ZNF512B: variants seen among roughly 807,000 people sequenced by gnomAD.
ZNF512B encodes the protein zinc finger protein 512B.
A neutral mutation model predicts 87.8 loss-of-function variants in ZNF512B; 22 were observed. The observed-to-expected ratio is 0.25, with a 90% CI of 0.18 to 0.36. The LOEUF (loss-of-function observed/expected upper bound fraction) is 0.36, where lower values mean the gene tolerates loss of function less well. Ranked by LOEUF, ZNF512B falls within the 10% of genes least tolerant of loss-of-function variation. The pLI, the probability that ZNF512B is intolerant of heterozygous loss-of-function variation, is 1.00. For missense variants in ZNF512B, 1,060 were observed against 1,231.6 expected (o/e 0.86, Z 2.09); for synonymous variants, 524 against 490.9 (o/e 1.07, Z -0.89).
intron 5 of ZNF512B, among the ~76,000 whole-genome samples, chr20:63,965,862 G>A (rs745629330): frequency 9.6e-5 from 3 of 31,136 alleles, no homozygotes; most frequent in Admixed American, 7.5e-4. Flanking sequence ...GACCTGGGAC[G>A]AGCCCCCATA....
chr20:63,968,692 G>GC (rs1243309666), intron 1 of ZNF512B, among the ~76,000 whole-genome samples: 4 of 152,134 alleles, frequency 2.6e-5, no homozygotes, highest in East Asian at 1.9e-4. Flanking sequence ...AGGCTGACCC[G>GC]CCCCCCACCT....
rs1436102024 is a variant in ZNF512B at position 63,959,951 on chromosome 20, T to C, written c.2616A>G (p.Arg872=). Residue 872 remains arginine, a synonymous_variant, in exon 17 of 17, where the codon AGA becomes AGG. Coordinates refer to ENST00000369888, the MANE Select transcript of ZNF512B (RefSeq NM_020713.3). The part of the protein sequence containing the change: ...PRRDDWPPGC[R]DKGARGSTGR... ...CGGTGGAGCCCCGGGCCCCCTTGTC[T>C]CTGCATCCTGGAGGCCAGTCGTCCC... is the stretch of plus-strand genomic sequence containing the variant. The C allele has an allele frequency of 6.2e-7, 1 of 1,610,774 alleles. No individual in the cohort carries two copies. Among genetic ancestry groups the C allele is most frequent in the African/African-American group, 1.3e-5 (1 of 74,836 alleles).
Position 63,959,836 on chromosome 20 carries a change from G to C in ZNF512B, c.*52C>G. On this transcript the variant is annotated 3_prime_UTR_variant, in exon 17 of 17. Coordinates refer to ENST00000369888, the MANE Select transcript of ZNF512B (RefSeq NM_020713.3). ...GAGGTCCCGGAGCTGGCCCTGCCTT[G>C]AACAGAGGGCGGTGTGGCGGCTGCA... 2 of 1,517,376 alleles carry C rather than the reference G, an allele frequency of 1.3e-6. No individual in the cohort carries two copies. Among genetic ancestry groups the C allele is most frequent in the Non-Finnish European group, 1.7e-6 (2 of 1,143,468 alleles). The allele number at this position is 1,517,376 out of a possible 1,614,324, so 94.0% of individuals were successfully genotyped here.
At position 63,962,577 on chromosome 20, in the gene ZNF512B, G is replaced by A. The variant is rs375648070; in HGVS notation, c.2163+10C>T. 15 of 1,601,394 alleles carry A rather than the reference G, an allele frequency of 9.4e-6. No homozygotes were observed. The highest frequency in any genetic ancestry group is 6.7e-5 in the Admixed American group (4 of 59,276). On this transcript the variant is annotated intron_variant, in intron 13 of 16. Transcript: ENST00000369888. ...CGGCGCTGTCCACAGCCCTGGGGGG[G>A]GCAGCTCACCCGTGCGGTCTCGGGC...
At chr20:63,967,154 C>T in intron 3 of ZNF512B, 150 bp from the exon 4 acceptor site, 10 of 1,343,980 alleles carry the variant, frequency 7.4e-6, no homozygotes, top group Non-Finnish European at 9.1e-6. Context: ...TTCAAGCCAC[C>T]TGGCAGGGGC....
At chr20:63,969,287 C>A in intron 1 of ZNF512B, 1 of 682,864 alleles carries the variant, frequency 1.5e-6, no homozygotes, top group Non-Finnish European at 1.8e-6. Flanking sequence ...CAGGGCCAGC[C>A]TGGGAGGCAG....
chr20:63,961,082 C>T lies in ZNF512B; in HGVS notation c.2427+227G>A, dbSNP rs529698098. Among the ~76,000 whole-genome samples, 6 of 152,326 alleles carry T rather than the reference C, an allele frequency of 3.9e-5. No individual in the cohort carries two copies. Among genetic ancestry groups the T allele is most frequent in the East Asian group, 1.9e-4 (1 of 5,192 alleles). On this transcript the variant is annotated intron_variant, in intron 16 of 16. Transcript: ENST00000369888. This position sits in a 1 kb window ranked among gnomAD's most constrained non-coding sequence, Gnocchi z 6.4. ...GCAGGGCTGCTGGGGGCTGGAAAGG[C>T]GGACACCCCGAGGGCAGCTCCAGCT... is the stretch of plus-strand genomic sequence containing the variant.
Position 63,961,215 on chromosome 20 carries a change from C to T in ZNF512B, c.2427+94G>A, listed in dbSNP as rs1208003114. The stretch of plus-strand genomic sequence containing the variant: ...TCTCCCAGGCACACCCCATGCAGGC[C>T]ACTGACCTCTCTACCCCCAAGGGGT... On this transcript the variant is annotated intron_variant, in intron 16 of 16. Transcript: ENST00000369888. This position sits in a 1 kb window ranked among gnomAD's most constrained non-coding sequence, Gnocchi z 6.4. 2 of 1,145,152 alleles carry T rather than the reference C, an allele frequency of 1.7e-6. No individual in the cohort carries two copies. The highest frequency in any genetic ancestry group is 1.9e-5 in the Admixed American group (1 of 53,244). 70.9% of individuals were successfully genotyped at this position (1,145,152 alleles called of 1,614,324 possible).
In ZNF512B at chr20:63,959,646, C is replaced by G; in HGVS notation, c.*242G>C. On this transcript the variant is annotated 3_prime_UTR_variant, in exon 17 of 17. Coordinates refer to ENST00000369888, the MANE Select transcript of ZNF512B (RefSeq NM_020713.3). The stretch of plus-strand genomic sequence containing the variant: ...CATTCCCATGAGGAGGGGCAACCCT[C>G]CTGGCTATTGCACTTCTGCTGGGCA... The G allele has an allele frequency of 3.7e-6, 2 of 543,644 alleles. No homozygotes were observed. The highest frequency in any genetic ancestry group is 6.3e-6 in the Non-Finnish European group (2 of 318,998). 33.7% of individuals were successfully genotyped at this position (543,644 alleles called of 1,614,324 possible). A position where few individuals can be genotyped will look rare whatever the true frequency, so the allele number is the denominator to read the frequency against.
chr20:63,958,344 G>C lies in ZNF512B; in HGVS notation c.*1544C>G, dbSNP rs1282727752. 6.6e-6 allele frequency: 1 copy of C among 152,472 alleles called. No homozygotes were observed. Among genetic ancestry groups the C allele is most frequent in the Non-Finnish European group, 1.5e-5 (1 of 68,084 alleles). The allele number at this position is 152,472 out of a possible 1,614,324, so 9.4% of individuals were successfully genotyped here. ...CCCCCAGGCCCACCGTCTGCACCAG[G>C]AAACCCTTAGCACCAAATGTCGGAT... On this transcript the variant is annotated 3_prime_UTR_variant, in exon 17 of 17. Transcript: ENST00000369888.
Position 63,967,863 on chromosome 20 carries a change from G to A in ZNF512B, c.88C>T (p.Arg30Ter), listed in dbSNP as rs1308338399. The A allele has an allele frequency of 3.1e-6, 5 of 1,613,404 alleles. No homozygotes were observed. Among genetic ancestry groups the A allele is most frequent in the Non-Finnish European group, 3.4e-6 (4 of 1,179,858 alleles). Reference sequence around the variant, plus strand: ...GGTGGGTCATGCAGCATTGGAAGTCGGACCTCCTTTCGGCTGCCATCCTTC... The same window carrying A: ...GGTGGGTCATGCAGCATTGGAAGTCAGACCTCCTTTCGGCTGCCATCCTTC... ...PGKDGSRKEV[R>*]LPMLHDPPKM... The change falls in exon 2 of 17, where the codon CGA (arginine) becomes TGA (stop). Residue 30 changes from arginine (R) to a stop codon, truncating the protein, a stop_gained. Transcript: ENST00000369888. LOFTEE classifies it high-confidence loss of function.
chr20:63,956,989 C>T lies in ZNF512B; in HGVS notation c.*2899G>A, dbSNP rs1237173372. 6.6e-6 allele frequency: 1 copy of T among 152,584 alleles called. No homozygotes were observed. The highest frequency in any genetic ancestry group is 1.5e-5 in the Non-Finnish European group (1 of 68,030). The allele number at this position is 152,584 out of a possible 1,614,324, so 9.5% of individuals were successfully genotyped here. ...GCATTAAAAAACCCAAACCAAGAAA[C>T]CCAAAGCACGGGACGCCCGGCCGCG... On this transcript the variant is annotated 3_prime_UTR_variant, in exon 17 of 17. Transcript: ENST00000369888.
Position 63,964,650 on chromosome 20 carries a change from G to A in ZNF512B, c.1101C>T (p.Tyr367=), listed in dbSNP as rs148640477. 459 of 1,612,538 alleles carry A rather than the reference G, an allele frequency of 2.8e-4. No individual in the cohort carries two copies. Among genetic ancestry groups the A allele is most frequent in the African/African-American group, 5.1e-4 (38 of 75,008 alleles). The change falls in exon 6 of 17, where the codon TAC becomes TAT. Residue 367 remains tyrosine (Y), a synonymous_variant. Coordinates refer to ENST00000369888, the MANE Select transcript of ZNF512B (RefSeq NM_020713.3). ...AGCTCTGGCCCATGGAGGAGGGGCCGTACTCCCCATTCTCTGGCCTGGCCT... is the reference window on the plus strand; with the variant it reads ...AGCTCTGGCCCATGGAGGAGGGGCCATACTCCCCATTCTCTGGCCTGGCCT... ...PKQARPENGE[Y]GPSSMGQSSA...
chr20:63,967,752 C>T (rs2058942771), intron 2 of ZNF512B, 78 bp downstream of exon 2: 13 of 1,560,564 alleles, frequency 8.3e-6, no homozygotes, highest in Middle Eastern at 1.7e-4. Context: ...GGAGACAGGA[C>T]GCCCAGGGCA....
intron 1 of ZNF512B, chr20:63,969,171 C>T (rs866130345): frequency 1.0e-6 from 1 of 985,474 alleles, no homozygotes; most frequent in Non-Finnish European, 1.2e-6. Context: ...TGAGTCATCC[C>T]AGCACCTGAT....
At position 63,962,012 on chromosome 20, in the gene ZNF512B, G is replaced by T. The variant is rs953690398; in HGVS notation, c.2266-8C>A. On this transcript the variant is annotated splice_polypyrimidine_tract_variant and splice_region_variant and intron_variant, in intron 14 of 16. Transcript: ENST00000369888. ...GTAGATGGCTTCACAGCACTGCAGGGAAGGGAGCCGTGGGCGAAGGCCTCT... is the reference window on the plus strand; with the variant it reads ...GTAGATGGCTTCACAGCACTGCAGGTAAGGGAGCCGTGGGCGAAGGCCTCT... 2 of 1,550,924 alleles carry T rather than the reference G, an allele frequency of 1.3e-6. No homozygotes were observed. Among genetic ancestry groups the T allele is most frequent in the East Asian group, 4.9e-5 (2 of 40,918 alleles).
Position 63,960,039 on chromosome 20 carries a change from T to A in ZNF512B, c.2528A>T (p.Lys843Met), listed in dbSNP as rs1388911684. The A allele has an allele frequency of 6.2e-7, 1 of 1,613,924 alleles. No individual in the cohort carries two copies. Among genetic ancestry groups the A allele is most frequent in the African/African-American group, 1.3e-5 (1 of 75,074 alleles). ...CCGCTCCTTGGGCTTTCGGCCCCGC[T>A]TCTTTCCACCTGCCAGATTTTTCTT... ...EKKKNLAGGK[K>M]RGRKPKERTP... Residue 843 changes from lysine (K) to methionine (M), a missense_variant, in exon 17 of 17, where the codon AAG becomes ATG. This residue lies in a region of ZNF512B where 253 missense variants were observed against 259.2 expected (regional missense o/e 0.98). Transcript: ENST00000369888.
At chr20:63,968,838 C>T (rs142952116) in intron 1 of ZNF512B, among the ~76,000 whole-genome samples, 9 of 152,356 alleles carry the variant, frequency 5.9e-5, no homozygotes, top group East Asian at 1.9e-4. Context: ...CTGGGGCCCC[C>T]GAGGGCCTGT....
chr20:63,961,839 G>A lies in ZNF512B; in HGVS notation c.2328+103C>T. 2 of 1,241,500 alleles carry A rather than the reference G, an allele frequency of 1.6e-6. No individual in the cohort carries two copies. The highest frequency in any genetic ancestry group is 2.3e-4 in the Middle Eastern group (1 of 4,444). The allele number at this position is 1,241,500 out of a possible 1,614,324, so 76.9% of individuals were successfully genotyped here. On this transcript the variant is annotated intron_variant, in intron 15 of 16. Transcript: ENST00000369888. This position sits in a 1 kb window ranked among gnomAD's most constrained non-coding sequence, Gnocchi z 6.4. Reference sequence around the variant, plus strand: ...GAGGAGGCCACGTAGAAAAAGTAGGGGACAAGGCAGGGTCCCTCACTACTG... The same window carrying A: ...GAGGAGGCCACGTAGAAAAAGTAGGAGACAAGGCAGGGTCCCTCACTACTG...
Sources: gnomAD v4.1 joint callset for allele counts (sites outside exome capture counted in the v4.1 genomes callset) on GRCh38, gnomAD v4.1.1 for gene constraint, gnomAD v4.1.1 regional missense constraint, Gnocchi (gnomAD v3.1) non-coding constraint, MANE v1.5 for transcripts, NCBI Gene and HGNC (gene_info 2026-07-23, HGNC 2026-07-21) for gene names.